The following ABCC8 variants were observed in gnomAD, a reference collection of about 807,000 sequenced individuals.
ABCC8 encodes ATP binding cassette subfamily C member 8.
Under a neutral mutation model 188.0 loss-of-function variants are expected in ABCC8, and 137 were observed. The ratio of observed to expected loss-of-function variants is 0.73; its 90% CI spans 0.63 to 0.84. ABCC8 has a LOEUF of 0.84. Ranked by LOEUF, ABCC8 falls within the 40% of genes least tolerant of loss-of-function variation. ABCC8 has a pLI of 0.00. For synonymous variants in ABCC8, 797 were observed against 846.5 expected, an observed-to-expected ratio of 0.94 and a Z score of 1.01; for missense variants, 1,750 against 2,072.7, an observed-to-expected ratio of 0.84 and a Z score of 3.02.
intron 12 of ABCC8, chr11:17,430,511 A>C: frequency 7.1e-6 from 3 of 420,102 alleles, no homozygotes; most frequent in African/African-American, 2.0e-5. Context: ...ACCAGTGGGT[A>C]GAATTTAGGA....
chr11:17,466,964 C>T (rs117610438), intron 3 of ABCC8, among the ~76,000 whole-genome samples: 1 of 151,618 alleles, frequency 6.6e-6, no homozygotes, highest in Non-Finnish European at 1.5e-5. Context: ...CCATGCCCGG[C>T]TGTGAATATA....
In ABCC8 at chr11:17,443,069, C is replaced by T. The variant is rs1238102497; in HGVS notation, c.1467+109G>A. On this transcript the variant is annotated intron_variant, in intron 9 of 38. Coordinates refer to ENST00000389817, the MANE Select transcript of ABCC8 (RefSeq NM_000352.6). ...GCCTGGACAGGTGAAGTGGCCTACT[C>T]AAAGTCAAAGTCAAAGTCAATGACA... 2.7e-6 allele frequency: 4 copies of T among 1,495,884 alleles called. No individual in the cohort carries two copies. In the Admixed American group the frequency reaches 5.2e-5, roughly 20 times the overall value. The allele number at this position is 1,495,884 out of a possible 1,614,324, so 92.7% of individuals were successfully genotyped here.
chr11:17,418,809 T>C (rs958262062), intron 16 of ABCC8, among the ~76,000 whole-genome samples: 2 of 152,226 alleles, frequency 1.3e-5, no homozygotes, highest in Non-Finnish European at 2.9e-5. Context: ...AGGAAGAACA[T>C]CTTTTTCAGC....
chr11:17,394,134 C>G, intron 37 of ABCC8, 132 bp downstream of exon 37: 1 of 1,254,270 alleles, frequency 8.0e-7, no homozygotes, highest in African/African-American at 1.5e-5. Context: ...CAGCTCTTTT[C>G]ATTTTCTGCA....
Position 17,461,827 on chromosome 11 carries a change from T to C in ABCC8, c.580-2A>G. 2 of 1,614,004 alleles carry C rather than the reference T, an allele frequency of 1.2e-6. No homozygotes were observed. The highest frequency in any genetic ancestry group is 1.7e-6 in the Non-Finnish European group (2 of 1,180,010). On this transcript the variant is annotated splice_acceptor_variant, in intron 4 of 38. Coordinates refer to ENST00000389817, the MANE Select transcript of ABCC8 (RefSeq NM_000352.6). LOFTEE classifies it high-confidence loss of function. ...CGGTGTCTTGAAGAAGATGTATCTC[T>C]GTGGGGCACATGGGCCATGGGGGAT...
At position 17,408,398 on chromosome 11, in the gene ABCC8, C is replaced by T. The variant is rs1954642772; in HGVS notation, c.2814G>A (p.Leu938=). 2 of 1,613,350 alleles carry T rather than the reference C, an allele frequency of 1.2e-6. No homozygotes were observed. Among genetic ancestry groups the T allele is most frequent in the African/African-American group, 1.3e-5 (1 of 74,916 alleles). Residue 938 remains leucine, a synonymous_variant, in exon 23 of 39, where the codon CTG becomes CTA. Transcript: ENST00000389817. The part of the protein sequence containing the change: ...KTLMNRQDQE[L]EKETVTERKA... ...CATCCCTGGATATACCCACCTTCTC[C>T]AGCTCTTGGTCCTGTCGGTTCATGA...
rs1159625966 is a variant in ABCC8 at position 17,427,926 on chromosome 11, A to T, written c.2057T>A (p.Phe686Tyr). 6.2e-7 allele frequency: 1 copy of T among 1,613,968 alleles called. No homozygotes were observed. The highest frequency in any genetic ancestry group is 2.2e-5 in the East Asian group (1 of 44,880). The change falls in exon 15 of 39, where the codon TTC (phenylalanine) becomes TAC (tyrosine). Residue 686 changes from phenylalanine to tyrosine, a missense_variant. Coordinates refer to ENST00000389817, the MANE Select transcript of ABCC8 (RefSeq NM_000352.6). The surrounding 1 kb of genome is among the most constrained non-coding windows in gnomAD (Gnocchi z 5.0). Reference protein sequence around the residue: ...NCCVQIMGGYFTWTPDGIPTL... With the variant: ...NCCVQIMGGYYTWTPDGIPTL... ...GGGGATTCCATCTGGGGTCCACGTGAAGTAGCCTCCCATGATCTTCATTAG... is the reference window on the plus strand; with the variant it reads ...GGGGATTCCATCTGGGGTCCACGTGTAGTAGCCTCCCATGATCTTCATTAG...
In ABCC8 at chr11:17,460,977, A is replaced by G. The variant is rs1011476096; in HGVS notation, c.823-301T>C. ...GAATGAGGAGGTGGCCATGTGCCAC[A>G]CTCACTCATTACCACCTGCCACCGT... On this transcript the variant is annotated intron_variant, in intron 5 of 38. Transcript: ENST00000389817. The G allele has an allele frequency of 2.9e-5, 14 of 478,206 alleles. No individual in the cohort carries two copies. In the Admixed American group the frequency reaches 4.5e-4, roughly 16 times the overall value. The allele number at this position is 478,206 out of a possible 1,614,324, so 29.6% of individuals were successfully genotyped here.
Position 17,442,719 on chromosome 11 carries a change from C to G in ABCC8, c.1630+1G>C. ...GGGCTGGCTGTGTGGGGTGAACTCA[C>G]TGGAGATGGAGGTATAGATGGCAAA... On this transcript the variant is annotated splice_donor_variant, in intron 10 of 38. Coordinates refer to ENST00000389817, the MANE Select transcript of ABCC8 (RefSeq NM_000352.6). LOFTEE classifies it high-confidence loss of function. 6.2e-7 allele frequency: 1 copy of G among 1,613,484 alleles called. No homozygotes were observed. The highest frequency in any genetic ancestry group is 2.2e-5 in the East Asian group (1 of 44,866).
chr11:17,431,616 C>A (rs184192355), intron 11 of ABCC8, among the ~76,000 whole-genome samples: 1 of 152,224 alleles, frequency 6.6e-6, no homozygotes, highest in East Asian at 1.9e-4. Context: ...TCTGTAGGAG[C>A]ATGCTGCTTG....
chr11:17,452,036 GT>G (rs1251043008), intron 7 of ABCC8, among the ~76,000 whole-genome samples: 2 of 152,230 alleles, frequency 1.3e-5, no homozygotes, highest in Non-Finnish European at 2.9e-5. Context: ...TGATCATTGA[GT>G]AGCTCCTGTG....
At position 17,470,142 on chromosome 11, in the gene ABCC8, T is replaced by C. The variant is rs1278920115; in HGVS notation, c.371A>G (p.Tyr124Cys). ...GAAGTTGGAAGTCTCGATGTTGTGA[T>C]AGTAGACCACGGAGGTGACAGCAGC... Reference protein sequence around the residue: ...FMAAVTSVVYYHNIETSNFPK... With the variant: ...FMAAVTSVVYCHNIETSNFPK... The change falls in exon 3 of 39, where the codon TAT (tyrosine) becomes TGT (cysteine). Residue 124 changes from tyrosine (Y) to cysteine (C), a missense_variant. By Grantham distance (194) the Tyr-to-Cys change is radical. Coordinates refer to ENST00000389817, the MANE Select transcript of ABCC8 (RefSeq NM_000352.6). 3 of 1,614,132 alleles carry C rather than the reference T, an allele frequency of 1.9e-6. No homozygotes were observed. The highest frequency in any genetic ancestry group is 1.1e-5 in the South Asian group (1 of 91,070).
chr11:17,450,354 TTTCC>T, intron 7 of ABCC8, among the ~76,000 whole-genome samples: 1 of 128,270 alleles, frequency 7.8e-6, no homozygotes, highest in Non-Finnish European at 1.7e-5. Flanking sequence ...TCTTTCTTTC[TTTCC>T]TTCCTTTCCT....
At chr11:17,417,141 C>T (rs1030726296) in intron 16 of ABCC8, 179 bp from the exon 17 acceptor site, 12 of 871,128 alleles carry the variant, frequency 1.4e-5, no homozygotes, top group Middle Eastern at 5.8e-4. Context: ...GTCCCTCCCA[C>T]AGCACCTGGA....
intron 10 of ABCC8, among the ~76,000 whole-genome samples, chr11:17,441,104 G>A (rs1292216576): frequency 6.6e-6 from 1 of 152,176 alleles, no homozygotes; most frequent in Non-Finnish European, 1.5e-5. Flanking sequence ...TTAGTTGGAG[G>A]AGGTGGTCGG....
Position 17,396,936 on chromosome 11 carries a change from G to C in ABCC8, c.4099C>G (p.Leu1367Val). The change falls in exon 33 of 39, where the codon CTC becomes GTC. Residue 1367 changes from leucine to valine, a missense_variant. Physicochemically the swap from Leu to Val is conservative, Grantham distance 32. Transcript: ENST00000389817. Reference sequence around the variant, plus strand: ...CTGACCTTCTGTCCAGGGGCGATGAGGGCATTGACGTGCTTCAGCACCGGC... The same window carrying C: ...CTGACCTTCTGTCCAGGGGCGATGACGGCATTGACGTGCTTCAGCACCGGC... The part of the protein sequence containing the change: ...LKPVLKHVNA[L>V]IAPGQKIGIC... The C allele has an allele frequency of 6.2e-7, 1 of 1,614,176 alleles. No individual in the cohort carries two copies. Among genetic ancestry groups the C allele is most frequent in the Non-Finnish European group, 8.5e-7 (1 of 1,180,016 alleles).
At position 17,417,008 on chromosome 11, in the gene ABCC8, C is replaced by T. The variant is rs1288267046; in HGVS notation, c.2223-46G>A. The T allele has an allele frequency of 6.2e-6, 10 of 1,613,478 alleles. No homozygotes were observed. The African/African-American group carries it at 9.3e-5, about 15-fold the overall frequency. On this transcript the variant is annotated intron_variant, in intron 16 of 38. Coordinates refer to ENST00000389817, the MANE Select transcript of ABCC8 (RefSeq NM_000352.6). ...CAGACCAACACCAGTTAGTTCCCAC[C>T]CCATTGCCTTTCCATCACGCTGAGT...
intron 12 of ABCC8, 106 bp downstream of exon 12, chr11:17,430,708 G>A: frequency 7.7e-7 from 1 of 1,296,348 alleles, no homozygotes; most frequent in Non-Finnish European, 1.1e-6. Context: ...AGCAATGGGG[G>A]TGTGTTCCGG....
At chr11:17,465,553 G>A (rs1179669908) in intron 3 of ABCC8, 1 of 152,240 alleles carries the variant, frequency 6.6e-6, no homozygotes, top group African/African-American at 2.4e-5. Flanking sequence ...GTCAGACACA[G>A]AAGTACTCAG....
Sources: gnomAD v4.1 joint callset for allele counts (sites outside exome capture counted in the v4.1 genomes callset) on GRCh38, gnomAD v4.1.1 for gene constraint, Gnocchi (gnomAD v3.1) non-coding constraint, MANE v1.5 for transcripts, NCBI Gene and HGNC (gene_info 2026-07-23, HGNC 2026-07-21) for gene names.